Variants in RIT2 observed in about 807,000 individuals in gnomAD.
RIT2 encodes the protein GTP-binding protein Rit2.
In RIT2, 24 loss-of-function variants were observed where a neutral mutation model predicts 23.7. That is an observed-to-expected ratio of 1.01 (90% CI 0.73 to 1.43). The LOEUF (loss-of-function observed/expected upper bound fraction) is 1.43, where lower values mean the gene tolerates loss of function less well. RIT2 is among the 40% of genes most tolerant of loss of function. RIT2 has a pLI of 0.00. For missense variants in RIT2, 236 were observed against 266.9 expected (o/e 0.88, Z 0.81); for synonymous variants, 107 against 91.1 (o/e 1.17, Z -0.99).
intron 2 of RIT2, among the ~76,000 whole-genome samples, chr18:43,000,715 C>T (rs1911084440): frequency 6.6e-6 from 1 of 151,886 alleles, no homozygotes; most frequent in African/African-American, 2.4e-5. Context: ...GGCAGTTCCC[C>T]ACTCCCACCC....
intron 4 of RIT2, among the ~76,000 whole-genome samples, chr18:42,836,699 C>T (rs1385074181): frequency 6.6e-6 from 1 of 152,160 alleles, no homozygotes; most frequent in Non-Finnish European, 1.5e-5. Flanking sequence ...TTAGCCTCTG[C>T]TGAGTAAAGT....
chr18:43,038,772 C>T (rs1912052818), intron 1 of RIT2, among the ~76,000 whole-genome samples: 1 of 152,014 alleles, frequency 6.6e-6, no homozygotes, highest in African/African-American at 2.4e-5. Flanking sequence ...TTGATTCCCT[C>T]TTCTTTTTTC....
rs181980481 is a variant in RIT2 at position 42,892,603 on chromosome 18, T to G, written c.426+30969A>C. ...TTGAATCTATGCAAAGCACAATGCT[T>G]GAAAATGTAGTTGAAGAAAATACCC... On this transcript the variant is annotated intron_variant, in intron 4 of 4. Coordinates refer to ENST00000326695, the MANE Select transcript of RIT2 (RefSeq NM_002930.4). 2.0e-5 allele frequency among the ~76,000 whole-genome samples: 3 copies of G among 152,316 alleles called. No individual in the cohort carries two copies. The East Asian group carries it at 5.8e-4, about 29-fold the overall frequency.
chr18:43,052,903 A>G (rs1912416864), intron 1 of RIT2, among the ~76,000 whole-genome samples: 1 of 152,036 alleles, frequency 6.6e-6, no homozygotes, highest in Non-Finnish European at 1.5e-5. Flanking sequence ...CCCACCAGTA[A>G]AGGCACATTG....
intron 4 of RIT2, among the ~76,000 whole-genome samples, chr18:42,791,571 A>G (rs1461054040): frequency 6.6e-6 from 1 of 152,140 alleles, no homozygotes; most frequent in Non-Finnish European, 1.5e-5. Context: ...TATACAATTC[A>G]TTGTATTTTG....
At chr18:42,928,127 T>G (rs929860079) in intron 3 of RIT2, among the ~76,000 whole-genome samples, 5 of 152,004 alleles carry the variant, frequency 3.3e-5, no homozygotes, top group Non-Finnish European at 5.9e-5. Context: ...ATAAACCGCA[T>G]GTCCACATTT....
intron 4 of RIT2, among the ~76,000 whole-genome samples, chr18:42,850,900 T>C (rs1296163865): frequency 6.6e-6 from 1 of 152,202 alleles, no homozygotes; most frequent in Non-Finnish European, 1.5e-5. Context: ...TTTATGACTT[T>C]GTTCTGTCAC....
intron 4 of RIT2, among the ~76,000 whole-genome samples, chr18:42,911,117 C>A (rs1248645005): frequency 1.3e-5 from 2 of 151,680 alleles, no homozygotes; most frequent in East Asian, 3.9e-4. Flanking sequence ...GAAGAGTATA[C>A]CCATAACAGA....
chr18:43,041,930 AAT>A lies in RIT2; in HGVS notation c.104-8065_104-8064del, dbSNP rs142287829. Among the ~76,000 whole-genome samples, 11 of 151,536 alleles carry A rather than the reference AAT, an allele frequency of 7.3e-5. No homozygotes were observed. The East Asian group carries it at 1.2e-3, about 16-fold the overall frequency. ...AGAAAGGGGTTATTTCCTACAAAAT[AAT>A]ATATATATATAGCATAAGATCATAT... On this transcript the variant is annotated intron_variant, in intron 1 of 4. Coordinates refer to ENST00000326695, the MANE Select transcript of RIT2 (RefSeq NM_002930.4).
chr18:42,834,195 G>A (rs977202763), intron 4 of RIT2, among the ~76,000 whole-genome samples: 2 of 152,130 alleles, frequency 1.3e-5, no homozygotes, highest in Non-Finnish European at 2.9e-5. Flanking sequence ...AGCTCACAAG[G>A]AGAACAGCAT....
chr18:42,944,446 G>A (rs1909676648), intron 3 of RIT2, among the ~76,000 whole-genome samples: 2 of 152,082 alleles, frequency 1.3e-5, no homozygotes, highest in South Asian at 2.1e-4. Context: ...CCTAGCCTGA[G>A]GCATGCCTGG....
chr18:42,847,657 C>A (rs1280614386), intron 4 of RIT2, among the ~76,000 whole-genome samples: 1 of 151,716 alleles, frequency 6.6e-6, no homozygotes, highest in African/African-American at 2.4e-5. Flanking sequence ...AGATTTAAGT[C>A]TTTTAAATTA....
intron 4 of RIT2, among the ~76,000 whole-genome samples, chr18:42,860,457 A>G (rs541276011): frequency 1.3e-5 from 2 of 152,324 alleles, no homozygotes. Flanking sequence ...GTTGATTTTA[A>G]TAATTTTTTC....
chr18:43,102,696 CA>C (rs1406994735), intron 1 of RIT2, among the ~76,000 whole-genome samples: 1 of 151,866 alleles, frequency 6.6e-6, no homozygotes, highest in Non-Finnish European at 1.5e-5. Context: ...CTCTGTTGCC[CA>C]GGCTGGTGTG....
At chr18:43,111,024 A>G (rs1243074388) in intron 1 of RIT2, among the ~76,000 whole-genome samples, 2 of 152,172 alleles carry the variant, frequency 1.3e-5, no homozygotes, top group African/African-American at 2.4e-5. Flanking sequence ...ACTAGCAACA[A>G]TAGCCAAGAT....
At chr18:42,853,480 G>A (rs1907108659) in intron 4 of RIT2, among the ~76,000 whole-genome samples, 1 of 152,096 alleles carries the variant, frequency 6.6e-6, no homozygotes, top group Admixed American at 6.6e-5. Context: ...TTTATCATGT[G>A]TATTTATTTT....
chr18:43,061,430 G>T (rs1195775816), intron 1 of RIT2, among the ~76,000 whole-genome samples: 1 of 152,070 alleles, frequency 6.6e-6, no homozygotes, highest in Non-Finnish European at 1.5e-5. Context: ...TCAGGGTTGG[G>T]TATGCTACAG....
At chr18:42,821,445 T>C (rs918733445) in intron 4 of RIT2, among the ~76,000 whole-genome samples, 1 of 152,126 alleles carries the variant, frequency 6.6e-6, no homozygotes, top group Non-Finnish European at 1.5e-5. Flanking sequence ...CCGTAACTGT[T>C]ACTTTAAAGC....
intron 4 of RIT2, among the ~76,000 whole-genome samples, chr18:42,898,894 TGATATGTCCTTTTCAGCGCCCCTCATTG>T (rs1212593226): frequency 6.6e-6 from 1 of 152,164 alleles, no homozygotes; most frequent in East Asian, 1.9e-4. Flanking sequence ...ACTACATAAG[TGATATGTCCTTTTCAGCGCCCCTCATTG>T]GAGCACAAAA....
Sources: allele counts gnomAD v4.1 joint callset (sites outside exome capture counted in the v4.1 genomes callset), GRCh38; gene constraint gnomAD v4.1.1; transcripts MANE v1.5; gene names NCBI Gene and HGNC (gene_info 2026-07-23, HGNC 2026-07-21).